Variants in ARSL observed in about 807,000 individuals in gnomAD.
The protein encoded by ARSL is arylsulfatase E (chondrodysplasia punctata 1).
A neutral mutation model predicts 31.1 loss-of-function variants in ARSL; 4 were observed. The ratio of observed to expected loss-of-function variants is 0.13; its 90% confidence interval spans 0.06 to 0.29. The LOEUF is 0.29. ARSL is among the 10% of genes least tolerant of loss of function. The probability of loss-of-function intolerance (pLI) is 1.00; values close to 1 mark genes in which losing one functional copy is unlikely to be tolerated. For synonymous variants in ARSL, 198 were observed against 209.9 expected, an observed-to-expected ratio of 0.94 and a Z score of 0.49; for missense variants, 312 against 497.8, an observed-to-expected ratio of 0.63 and a Z score of 3.55.
At chrX:2,951,704 G>T (rs1260292685) in intron 5 of ARSL, among the ~76,000 whole-genome samples, 1 of 106,346 alleles carries the variant, frequency 9.4e-6, no homozygotes, top group Non-Finnish European at 1.9e-5. Context: ...GGGAGACTAA[G>T]GTGGGAGGAT....
At chrX:2,942,521 A>G (rs764258310) in intron 8 of ARSL, among the ~76,000 whole-genome samples, 5 of 110,714 alleles carry the variant, frequency 4.5e-5, no homozygotes, top group African/African-American at 1.6e-4. Context: ...CAAATTCCTG[A>G]CTTCAGGTGA....
At chrX:2,952,076 T>C (rs1456539729) in intron 5 of ARSL, among the ~76,000 whole-genome samples, 1 of 110,878 alleles carries the variant, frequency 9.0e-6, no homozygotes, top group Non-Finnish European at 1.9e-5. Flanking sequence ...GGAACTGTTG[T>C]CATTAATTTT....
chrX:2,961,356 G>C lies in ARSL; in HGVS notation c.-20-936C>G, dbSNP rs190034384. 1.8e-3 allele frequency among the ~76,000 whole-genome samples: 206 copies of C among 111,354 alleles called. 2 individuals carry two copies. Among genetic ancestry groups the C allele is most frequent in the African/African-American group, 6.3e-3 (193 of 30,676 alleles). ...GGGTACTGCAGTGGTCTGACCCCATGTGGCTTGTGCATGGGACTGAGGACG... is the reference window on the plus strand; with the variant it reads ...GGGTACTGCAGTGGTCTGACCCCATCTGGCTTGTGCATGGGACTGAGGACG... On this transcript the variant is annotated intron_variant, in intron 1 of 10. Coordinates refer to ENST00000381134, the MANE Select transcript of ARSL (RefSeq NM_000047.3).
intron 1 of ARSL, among the ~76,000 whole-genome samples, chrX:2,963,234 G>A (rs927318858): frequency 4.5e-5 from 5 of 111,527 alleles, no homozygotes; most frequent in African/African-American, 9.8e-5. Context: ...ACGCAATTAC[G>A]TTTCACCAAC....
chrX:2,964,969 G>A (rs5982945), upstream of ARSL, among the ~76,000 whole-genome samples: 1,423 of 109,895 alleles, frequency 0.013, 18 homozygotes, highest in African/African-American at 0.046. Flanking sequence ...GCCAGGCATG[G>A]TGGCATGTGT....
chrX:2,961,711 C>G (rs928380043), intron 1 of ARSL, among the ~76,000 whole-genome samples: 11 of 111,315 alleles, frequency 9.9e-5, no homozygotes, highest in African/African-American at 3.6e-4. Flanking sequence ...AAAAGATTGA[C>G]TAAGACTCTA....
intron 3 of ARSL, among the ~76,000 whole-genome samples, chrX:2,956,554 C>T (rs1444145915): frequency 1.8e-5 from 2 of 111,332 alleles, no homozygotes; most frequent in Non-Finnish European, 3.8e-5. Context: ...CTCCCCCTCC[C>T]GGGTTCAAGT....
chrX:2,946,247 C>G, intron 6 of ARSL, 113 bp from the exon 7 acceptor site: 1 of 675,610 alleles, frequency 1.5e-6, no homozygotes, highest in Non-Finnish European at 2.2e-6. Context: ...AATGTCTTCT[C>G]AACTCTGCTC....
rs139173612 is a variant in ARSL, at chrX:2,934,977, T to C, written c.1625A>G (p.Gln542Arg). The C allele has an allele frequency of 2.5e-6, 3 of 1,209,518 alleles. No individual in the cohort carries two copies. The African/African-American group carries it at 5.3e-5, about 21-fold the overall frequency. ...PVFYQVMERV[Q>R]QAVWEHQRTL... ...CCGCTGGTGTTCCCACACCGCCTGC[T>C]GGACTCGTTCCATCACCTGATAGAA... is the stretch of plus-strand genomic sequence containing the variant. The change falls in exon 11 of 11, where the codon CAG becomes CGG. Residue 542 changes from glutamine (Q) to arginine (R), a missense_variant. By Grantham distance (43) the Gln-to-Arg change is conservative. Coordinates refer to ENST00000381134, the MANE Select transcript of ARSL (RefSeq NM_000047.3).
intron 7 of ARSL, 95 bp from the exon 8 acceptor site, chrX:2,943,294 A>G (rs988614996): frequency 9.5e-7 from 1 of 1,054,237 alleles, no homozygotes; most frequent in Non-Finnish European, 1.3e-6. Context: ...GGCTAGCCAC[A>G]AGAATGAAGC....
chrX:2,960,190 A>G (rs2089597078), intron 2 of ARSL, among the ~76,000 whole-genome samples, 188 bp downstream of exon 2: 1 of 75,854 alleles, frequency 1.3e-5, no homozygotes, highest in Non-Finnish European at 2.6e-5. Flanking sequence ...AATGGTGTGA[A>G]CCCGGGAGGC....
chrX:2,961,199 G>A (rs2089628166), intron 1 of ARSL, among the ~76,000 whole-genome samples: 2 of 111,496 alleles, frequency 1.8e-5, no homozygotes, highest in Admixed American at 1.9e-4. Flanking sequence ...AGGGAAACGG[G>A]CGACCCCCAA....
chrX:2,960,905 T>C (rs73632986), intron 1 of ARSL, among the ~76,000 whole-genome samples: 1,924 of 109,954 alleles, frequency 0.017, 46 homozygotes, highest in African/African-American at 0.06. Context: ...AGAATCTGAG[T>C]AGAGGGTATG....
chrX:2,958,013 CTT>C (rs963357251), intron 3 of ARSL, among the ~76,000 whole-genome samples: 1 of 110,521 alleles, frequency 9.0e-6, no homozygotes, highest in Non-Finnish European at 1.9e-5. Context: ...CAGAGCAAGA[CTT>C]TGTCTCAGAG....
At position 2,960,406 on chromosome X, in the gene ARSL, C is replaced by A. The variant is rs367891065; in HGVS notation, c.-6G>T. 1 of 1,180,991 alleles carries A rather than the reference C, an allele frequency of 8.5e-7. No individual in the cohort carries two copies. Among genetic ancestry groups the A allele is most frequent in the African/African-American group, 2.0e-5 (1 of 50,799 alleles). On this transcript the variant is annotated 5_prime_UTR_variant, in exon 2 of 11. Transcript: ENST00000381134. ...GAATGGTGCAGATGTAACATGTTGT[C>A]TCTCTCTCTACTTCCTGTAAGACAT... is the stretch of plus-strand genomic sequence containing the variant.
chrX:2,948,766 C>T (rs1229666710), intron 6 of ARSL, among the ~76,000 whole-genome samples: 1 of 111,309 alleles, frequency 9.0e-6, no homozygotes, highest in Non-Finnish European at 1.9e-5. Context: ...GCTGGGATAA[C>T]AGGTGTGTAC....
intron 1 of ARSL, among the ~76,000 whole-genome samples, chrX:2,961,868 T>C (rs2089641188): frequency 9.1e-6 from 1 of 109,632 alleles, no homozygotes; most frequent in Non-Finnish European, 1.9e-5. Context: ...GTTTTTTTTT[T>C]TTTTTTTTAA....
chrX:2,948,820 G>A (rs1161695655), intron 6 of ARSL, among the ~76,000 whole-genome samples: 1 of 111,368 alleles, frequency 9.0e-6, no homozygotes, highest in African/African-American at 3.3e-5. Context: ...ATGGACACAA[G>A]GCAAGTCACA....
In ARSL at chrX:2,938,089, C is replaced by G. The variant is rs1555908420; in HGVS notation, c.1289+6G>C. 8.3e-7 allele frequency: 1 copy of G among 1,211,543 alleles called. No homozygotes were observed. The highest frequency in any genetic ancestry group is 1.7e-5 in the African/African-American group (1 of 57,802). On this transcript the variant is annotated splice_donor_region_variant and intron_variant, in intron 9 of 10. Coordinates refer to ENST00000381134, the MANE Select transcript of ARSL (RefSeq NM_000047.3). The stretch of plus-strand genomic sequence containing the variant: ...AGCTGAATTGTTTCTTTGGGTTGTT[C>G]TGTACCTGTCCTGGGGCACCTCGCC...
Sources: allele counts gnomAD v4.1 joint callset (sites outside exome capture counted in the v4.1 genomes callset), GRCh38; gene constraint gnomAD v4.1.1; transcripts MANE v1.5; gene names NCBI Gene and HGNC (gene_info 2026-07-23, HGNC 2026-07-21).